SYTL5: variants seen among roughly 807,000 people sequenced by gnomAD.
SYTL5 encodes the protein synaptotagmin-like protein 5.
Under a neutral mutation model 55.9 loss-of-function variants are expected in SYTL5, and 34 were observed. That is an observed-to-expected ratio of 0.61 (90% CI 0.46 to 0.81). SYTL5 has a LOEUF of 0.81. Ranked by LOEUF, SYTL5 falls within the 30% of genes least tolerant of loss-of-function variation. The pLI, the probability that SYTL5 is intolerant of heterozygous loss-of-function variation, is 0.00. For missense variants in SYTL5, 637 were observed against 546.7 expected, an observed-to-expected ratio of 1.17 and a Z score of -1.65; for synonymous variants, 221 against 188.7, an observed-to-expected ratio of 1.17 and a Z score of -1.40.
At chrX:38,039,531 T>G (rs1297444167) in intron 2 of SYTL5, among the ~76,000 whole-genome samples, 1 of 112,280 alleles carries the variant, frequency 8.9e-6, no homozygotes, top group Non-Finnish European at 1.9e-5. Flanking sequence ...AAATTTTTAC[T>G]CTACTTGATC....
the SYTL5 span, among the ~76,000 whole-genome samples, chrX:37,920,613 G>A: frequency 2.7e-5 from 3 of 111,265 alleles, no homozygotes; most frequent in African/African-American, 6.5e-5. Context: ...CAGAATTCTT[G>A]TGGTTTGCTC....
intron 2 of SYTL5, among the ~76,000 whole-genome samples, chrX:38,036,197 T>C (rs1046103102): frequency 2.7e-5 from 3 of 110,204 alleles, no homozygotes; most frequent in African/African-American, 9.9e-5. Flanking sequence ...TCCCAGCTAC[T>C]CGGGAGGCTG....
the SYTL5 span, among the ~76,000 whole-genome samples, chrX:37,910,087 A>G: frequency 8.9e-6 from 1 of 111,866 alleles, no homozygotes; most frequent in East Asian, 2.8e-4. Flanking sequence ...GATGACTCCA[A>G]CATGTGCCTG....
the SYTL5 span, among the ~76,000 whole-genome samples, chrX:37,895,868 T>A: frequency 8.9e-6 from 1 of 111,857 alleles, no homozygotes; most frequent in Non-Finnish European, 1.9e-5. Flanking sequence ...TACAAGTGGA[T>A]TTGCATTGAA....
chrX:37,958,412 T>A, the SYTL5 span, among the ~76,000 whole-genome samples: 1 of 109,904 alleles, frequency 9.1e-6, no homozygotes, highest in Non-Finnish European at 1.9e-5. Flanking sequence ...TCATAGAGCC[T>A]CCAGTACCAT....
the SYTL5 span, among the ~76,000 whole-genome samples, chrX:37,959,306 C>T: frequency 1.8e-5 from 2 of 111,803 alleles, no homozygotes; most frequent in African/African-American, 6.5e-5. Flanking sequence ...GCTGACTGTC[C>T]GACCACCTGC....
At position 38,126,816 on chromosome X, in the gene SYTL5, C is replaced by A; in HGVS notation, c.*86C>A. Reference sequence around the variant, plus strand: ...TAGCAAACTGAGACCTGGGATTCTGCTTCCCTGCCATTTCTCACCTGACAG... The same window carrying A: ...TAGCAAACTGAGACCTGGGATTCTGATTCCCTGCCATTTCTCACCTGACAG... On this transcript the variant is annotated 3_prime_UTR_variant, in exon 17 of 17. Transcript: ENST00000297875. 1.0e-6 allele frequency: 1 copy of A among 976,257 alleles called. No individual in the cohort carries two copies. Among genetic ancestry groups the A allele is most frequent in the Non-Finnish European group, 1.4e-6 (1 of 719,289 alleles). The allele number at this position is 976,257 out of a possible 1,213,427, so 80.5% of individuals were successfully genotyped here.
At chrX:37,921,200 A>C in the SYTL5 span, among the ~76,000 whole-genome samples, 1 of 111,627 alleles carries the variant, frequency 9.0e-6, no homozygotes, top group East Asian at 2.8e-4. Context: ...GAAGTTAAGT[A>C]ACGTATTATC....
At chrX:38,048,866 T>C (rs1935549360) in intron 2 of SYTL5, among the ~76,000 whole-genome samples, 1 of 111,867 alleles carries the variant, frequency 8.9e-6, no homozygotes, top group African/African-American at 3.3e-5. Flanking sequence ...TGTGGCTAAG[T>C]GTTGTGAAAT....
the SYTL5 span, among the ~76,000 whole-genome samples, chrX:37,984,503 T>A: frequency 8.9e-6 from 1 of 111,925 alleles, no homozygotes; most frequent in African/African-American, 3.2e-5. Context: ...AAAAACTACC[T>A]ACCAAGAAAA....
At chrX:37,917,843 G>C in the SYTL5 span, among the ~76,000 whole-genome samples, 2 of 111,543 alleles carry the variant, frequency 1.8e-5, no homozygotes, top group African/African-American at 3.3e-5. Flanking sequence ...AGAAAGGGGA[G>C]GGCAGGAGCA....
At chrX:38,042,722 T>C (rs1441017458) in intron 2 of SYTL5, among the ~76,000 whole-genome samples, 6 of 111,543 alleles carry the variant, frequency 5.4e-5, no homozygotes, top group African/African-American at 2.0e-4. Flanking sequence ...GCCCATGTAA[T>C]CCAGAACCTG....
chrX:37,913,145 G>A, the SYTL5 span, among the ~76,000 whole-genome samples: 8 of 112,044 alleles, frequency 7.1e-5, no homozygotes, highest in South Asian at 3.0e-3. Flanking sequence ...CTGACTGGAT[G>A]TAAGCTAGCA....
chrX:38,104,219 G>A (rs751877251), intron 10 of SYTL5, among the ~76,000 whole-genome samples: 16 of 112,202 alleles, frequency 1.4e-4, no homozygotes, highest in Non-Finnish European at 2.3e-4. Context: ...CTTACATGGT[G>A]TCTGATAGGT....
chrX:38,089,828 A>G (rs1936754444), intron 7 of SYTL5, among the ~76,000 whole-genome samples: 1 of 111,580 alleles, frequency 9.0e-6, no homozygotes, highest in Admixed American at 9.5e-5. Flanking sequence ...CTCCCCCATG[A>G]CTCACTAATC....
chrX:37,988,365 G>A, the SYTL5 span, among the ~76,000 whole-genome samples: 1 of 111,776 alleles, frequency 8.9e-6, no homozygotes, highest in Non-Finnish European at 1.9e-5. Context: ...TTGAACTTCT[G>A]ACCTCCAGGT....
intron 1 of SYTL5, among the ~76,000 whole-genome samples, chrX:38,031,566 T>C (rs112290451): frequency 0.049 from 5,520 of 112,094 alleles, 240 homozygotes; most frequent in African/African-American, 0.14. Flanking sequence ...TATGATTCTA[T>C]AAAACATTCA....
At chrX:38,054,523 A>G (rs1412128420) in intron 3 of SYTL5, 101 bp downstream of exon 3, 1 of 817,966 alleles carries the variant, frequency 1.2e-6, no homozygotes, top group South Asian at 2.5e-5. Context: ...TTAAGGATAG[A>G]GAGTGCAGGT....
intron 2 of SYTL5, among the ~76,000 whole-genome samples, chrX:38,039,667 G>T (rs1935221358): frequency 9.0e-6 from 1 of 111,308 alleles, no homozygotes; most frequent in African/African-American, 3.3e-5. Flanking sequence ...CTCACTAAGG[G>T]TACATCATTT....
Sources: gnomAD v4.1 joint callset for allele counts (sites outside exome capture counted in the v4.1 genomes callset) on GRCh38, gnomAD v4.1.1 for gene constraint, MANE v1.5 for transcripts, NCBI Gene and HGNC (gene_info 2026-07-23, HGNC 2026-07-21) for gene names.